QKI: variants seen among roughly 807,000 people sequenced by gnomAD.
QKI encodes QKI, KH domain containing RNA binding.
A neutral mutation model predicts 39.0 loss-of-function variants in QKI; 10 were observed. That is an observed-to-expected ratio of 0.26 (90% CI 0.16 to 0.43). The LOEUF (loss-of-function observed/expected upper bound fraction) is 0.43, where lower values mean the gene tolerates loss of function less well. Among genes scored for constraint, QKI ranks in the 20% least tolerant of loss-of-function variants. The probability of loss-of-function intolerance (pLI) is 1.00; values close to 1 mark genes in which losing one functional copy is unlikely to be tolerated. For missense variants in QKI, 218 were observed against 428.0 expected (o/e 0.51, Z 4.33); for synonymous variants, 204 against 155.4 (o/e 1.31, Z -2.33).
chr6:163,487,494 C>T (rs1829010604), intron 3 of QKI, among the ~76,000 whole-genome samples: 1 of 152,126 alleles, frequency 6.6e-6, no homozygotes, highest in Non-Finnish European at 1.5e-5. Context: ...AATAGTTTCT[C>T]TGGTGTCTCA....
intron 4 of QKI, among the ~76,000 whole-genome samples, chr6:163,538,846 T>A (rs1781351690): frequency 6.6e-6 from 1 of 152,200 alleles, no homozygotes; most frequent in East Asian, 1.9e-4. Flanking sequence ...TGTGATATGA[T>A]ATGTGATAAC....
rs551208960 is a variant in QKI, at chr6:163,415,406, TG to T, written c.142+75del. The T allele has an allele frequency of 2.4e-4, 273 of 1,150,748 alleles. 1 individual carries two copies. In the African/African-American group the frequency reaches 4.2e-3, roughly 18 times the overall value. The allele number at this position is 1,150,748 out of a possible 1,614,324, so 71.3% of individuals were successfully genotyped here. ...CGGCCCCTTTCCCCGCTTGGGATGG[TG>T]GGGAGGGCGGGAAGGTCACGGCCGG... On this transcript the variant is annotated intron_variant, in intron 1 of 7. Transcript: ENST00000361752.
chr6:163,568,334 A>G lies in QKI; in HGVS notation c.1009+1539A>G, dbSNP rs115815141. The G allele has an allele frequency of 8.5e-4, 842 of 985,394 alleles. 6 individuals carry two copies. The African/African-American group carries it at 0.013, about 15-fold the overall frequency. The allele number at this position is 985,394 out of a possible 1,614,324, so 61.0% of individuals were successfully genotyped here. On this transcript the variant is annotated intron_variant, in intron 7 of 7. Coordinates refer to ENST00000361752, the MANE Select transcript of QKI (RefSeq NM_006775.3). ...GCTTTAACACAATAATTATTGGCCTACTTAATACTCCAGTGCCTTGAGATA... is the reference window on the plus strand; with the variant it reads ...GCTTTAACACAATAATTATTGGCCTGCTTAATACTCCAGTGCCTTGAGATA...
chr6:163,564,699 T>C (rs1562550190), intron 6 of QKI: 9 of 1,614,116 alleles, frequency 5.6e-6, no homozygotes, highest in Non-Finnish European at 7.6e-6. Context: ...GCCTGATATT[T>C]CAGCCCATTG....
chr6:163,486,417 A>T (rs1211182082), intron 3 of QKI, among the ~76,000 whole-genome samples: 2 of 152,232 alleles, frequency 1.3e-5, no homozygotes, highest in East Asian at 1.9e-4. Context: ...ACGAAATGTT[A>T]TTAGAGTCAT....
intron 4 of QKI, among the ~76,000 whole-genome samples, chr6:163,539,782 T>C (rs963990246): frequency 6.6e-6 from 1 of 152,204 alleles, no homozygotes; most frequent in Non-Finnish European, 1.5e-5. Context: ...AGAAAATTTG[T>C]ACCAATTTAC....
At chr6:163,478,922 C>A in intron 3 of QKI, 26 bp downstream of exon 3, 1 of 1,489,046 alleles carries the variant, frequency 6.7e-7, no homozygotes, top group Non-Finnish European at 9.3e-7. Context: ...TGGACTAAGT[C>A]TTTATGTGAG....
chr6:163,479,214 G>A (rs773507714), intron 3 of QKI, among the ~76,000 whole-genome samples: 3 of 151,472 alleles, frequency 2.0e-5, no homozygotes, highest in Non-Finnish European at 4.4e-5. Context: ...GCTTGAACCC[G>A]GGAGGCAGAG....
intron 6 of QKI, 123 bp downstream of exon 6, chr6:163,563,842 A>G: frequency 6.8e-7 from 1 of 1,473,280 alleles, no homozygotes; most frequent in South Asian, 1.4e-5. Flanking sequence ...GGAAGACCGA[A>G]AACTAAATTT....
chr6:163,479,986 C>T (rs1373828085), intron 3 of QKI, among the ~76,000 whole-genome samples: 2 of 152,128 alleles, frequency 1.3e-5, no homozygotes, highest in East Asian at 1.9e-4. Flanking sequence ...GTTGATTTTA[C>T]ATTTTAAAGT....
intron 3 of QKI, among the ~76,000 whole-genome samples, chr6:163,520,954 A>T (rs1357269245): frequency 1.3e-5 from 2 of 152,172 alleles, no homozygotes; most frequent in Non-Finnish European, 2.9e-5. Context: ...GACAGAGGTG[A>T]TGTAAGTGTA....
chr6:163,523,590 G>C (rs577191850), intron 3 of QKI, among the ~76,000 whole-genome samples: 1 of 152,242 alleles, frequency 6.6e-6, no homozygotes, highest in Admixed American at 6.5e-5. Flanking sequence ...TGTTAATTAT[G>C]ATAGTATGCA....
intron 7 of QKI, chr6:163,567,196 G>C: frequency 1.0e-6 from 1 of 994,934 alleles, no homozygotes; most frequent in Non-Finnish European, 1.2e-6. Context: ...AATGAGAGAA[G>C]TAAAGGAATA....
At chr6:163,506,508 C>A (rs2128233615) in intron 3 of QKI, among the ~76,000 whole-genome samples, 1 of 152,286 alleles carries the variant, frequency 6.6e-6, no homozygotes, top group South Asian at 2.1e-4. Flanking sequence ...TCTGGAAAAT[C>A]TCCCAAGCAC....
At chr6:163,518,294 G>C (rs1002423700) in intron 3 of QKI, among the ~76,000 whole-genome samples, 54 of 152,120 alleles carry the variant, frequency 3.5e-4, no homozygotes, top group African/African-American at 1.3e-3. Context: ...GTGGTAGGCT[G>C]TGCGCTAAGT....
intron 1 of QKI, among the ~76,000 whole-genome samples, chr6:163,431,681 T>A (rs1788840099): frequency 6.6e-6 from 1 of 152,096 alleles, no homozygotes; most frequent in Non-Finnish European, 1.5e-5. Context: ...TAGAATATAT[T>A]ATCTCCCCTC....
intron 1 of QKI, among the ~76,000 whole-genome samples, chr6:163,448,604 C>T (rs1053410403): frequency 4.6e-5 from 7 of 151,886 alleles, no homozygotes; most frequent in East Asian, 1.9e-4. Context: ...ACCATGGTGG[C>T]GGGCACCTGT....
chr6:163,473,922 T>TA lies in QKI; in HGVS notation c.286-4847dup, dbSNP rs35101956. ...GTTCTATTTATGAATGGACATTTCTTAAAAAAAAAAATCACCAGAATGCCA... is the reference window on the plus strand; with the variant it reads ...GTTCTATTTATGAATGGACATTTCTTAAAAAAAAAAAATCACCAGAATGCCA... On this transcript the variant is annotated intron_variant, in intron 2 of 7. Coordinates refer to ENST00000361752, the MANE Select transcript of QKI (RefSeq NM_006775.3). Among the ~76,000 whole-genome samples the TA allele has an allele frequency of 4.0e-4, 61 of 151,022 alleles. 1 individual carries two copies. Among genetic ancestry groups the TA allele is most frequent in the South Asian group, 8.3e-4 (4 of 4,792 alleles).
chr6:163,462,952 T>A (rs1230065202), intron 2 of QKI, among the ~76,000 whole-genome samples: 3 of 152,194 alleles, frequency 2.0e-5, no homozygotes, highest in Non-Finnish European at 4.4e-5. Context: ...AATAAAGATG[T>A]ATGTGATGAT....
Sources: allele counts gnomAD v4.1 joint callset (sites outside exome capture counted in the v4.1 genomes callset), GRCh38; gene constraint gnomAD v4.1.1; transcripts MANE v1.5; gene names NCBI Gene and HGNC (gene_info 2026-07-23, HGNC 2026-07-21).